The following TCERG1L variants were observed in gnomAD, a reference collection of about 807,000 sequenced individuals.
TCERG1L encodes the protein transcription elongation regulator 1-like protein.
A neutral mutation model predicts 56.3 loss-of-function variants in TCERG1L; 37 were observed. That is an observed-to-expected ratio of 0.66 (90% CI 0.51 to 0.87). The LOEUF (loss-of-function observed/expected upper bound fraction) is 0.87. Among genes scored for constraint, TCERG1L ranks in the 40% least tolerant of loss-of-function variants. The probability of loss-of-function intolerance (pLI) is 0.00; values close to 1 mark genes in which losing one functional copy is unlikely to be tolerated. For synonymous variants in TCERG1L, 324 were observed against 326.3 expected, an observed-to-expected ratio of 0.99 and a Z score of 0.08; for missense variants, 799 against 774.2, an observed-to-expected ratio of 1.03 and a Z score of -0.38.
chr10:131,211,784 G>A (rs997767789), intron 4 of TCERG1L, among the ~76,000 whole-genome samples: 2 of 152,278 alleles, frequency 1.3e-5, no homozygotes, highest in Non-Finnish European at 1.5e-5. Context: ...CAGGCCTGCC[G>A]GGCCACTTGC....
chr10:131,254,422 G>A (rs1846147722), intron 4 of TCERG1L, among the ~76,000 whole-genome samples: 1 of 151,890 alleles, frequency 6.6e-6, no homozygotes, highest in Non-Finnish European at 1.5e-5. Flanking sequence ...AAGCTCAAGG[G>A]ATCTTCCAGC....
chr10:131,144,361 C>T (rs1002497883), intron 7 of TCERG1L, among the ~76,000 whole-genome samples: 5 of 152,184 alleles, frequency 3.3e-5, no homozygotes, highest in African/African-American at 4.8e-5. Flanking sequence ...GACGAACGAT[C>T]GGCCAGGGAG....
At chr10:131,134,733 G>C (rs189473666) in intron 7 of TCERG1L, among the ~76,000 whole-genome samples, 1 of 152,178 alleles carries the variant, frequency 6.6e-6, no homozygotes, top group African/African-American at 2.4e-5. Context: ...GAGAATTACA[G>C]GTGGGCCTCT....
chr10:131,187,267 G>T (rs1845254810), intron 4 of TCERG1L, among the ~76,000 whole-genome samples: 1 of 152,234 alleles, frequency 6.6e-6, no homozygotes, highest in Non-Finnish European at 1.5e-5. Context: ...ATGGTCTATT[G>T]AACGAAGGAG....
At chr10:131,159,659 T>C (rs1402972472) in intron 6 of TCERG1L, among the ~76,000 whole-genome samples, 37 of 151,620 alleles carry the variant, frequency 2.4e-4, no homozygotes, top group Non-Finnish European at 5.1e-4. Context: ...ATTCAGCTAA[T>C]CAGGTGAAAT....
chr10:131,252,305 G>GAGGACCT (rs1364543076), intron 4 of TCERG1L, among the ~76,000 whole-genome samples: 6 of 152,074 alleles, frequency 3.9e-5, no homozygotes, highest in Non-Finnish European at 1.5e-5. Context: ...CCTGCCACAC[G>GAGGACCT]GTTGTCCACA....
intron 8 of TCERG1L, among the ~76,000 whole-genome samples, chr10:131,133,336 A>AT (rs1439884975): frequency 6.6e-6 from 1 of 152,134 alleles, no homozygotes; most frequent in Admixed American, 6.5e-5. Flanking sequence ...GCAAAAGTAC[A>AT]TTTTTTAAAA....
chr10:131,247,517 C>T (rs768181072), intron 4 of TCERG1L, among the ~76,000 whole-genome samples: 1 of 143,818 alleles, frequency 7.0e-6, no homozygotes, highest in Non-Finnish European at 1.6e-5. Context: ...CACCCCTGGT[C>T]GAGGCCCTGA....
intron 3 of TCERG1L, among the ~76,000 whole-genome samples, chr10:131,262,619 T>C (rs1486524944): frequency 6.6e-6 from 1 of 152,158 alleles, no homozygotes; most frequent in Non-Finnish European, 1.5e-5. Context: ...CGTGGTGGGT[T>C]TGTTACAGTT....
At chr10:131,237,560 C>G (rs1403775148) in intron 4 of TCERG1L, among the ~76,000 whole-genome samples, 1 of 152,032 alleles carries the variant, frequency 6.6e-6, no homozygotes. Context: ...TGCATTGTAT[C>G]GGATTAGATA....
chr10:131,176,572 G>A (rs969383127), intron 4 of TCERG1L, among the ~76,000 whole-genome samples: 13 of 151,280 alleles, frequency 8.6e-5, no homozygotes, highest in South Asian at 2.1e-4. Flanking sequence ...AAAGAGGCAC[G>A]TGCACACACA....
At chr10:131,298,148 CTT>C (rs34480535) in intron 3 of TCERG1L, among the ~76,000 whole-genome samples, 2 of 145,784 alleles carry the variant, frequency 1.4e-5, no homozygotes, top group African/African-American at 2.5e-5. Flanking sequence ...TGAGGTATTT[CTT>C]TTTTTTTTTA....
chr10:131,101,545 C>T (rs1845304151), intron 10 of TCERG1L, among the ~76,000 whole-genome samples: 1 of 152,106 alleles, frequency 6.6e-6, no homozygotes, highest in South Asian at 2.1e-4. Context: ...CACACACAAC[C>T]CACACGCCAC....
rs1199545475 is a variant in TCERG1L, at chr10:131,311,700, G to C, written c.-65C>G. 2.4e-6 allele frequency: 2 copies of C among 831,658 alleles called. No individual in the cohort carries two copies. Among genetic ancestry groups the C allele is most frequent in the Non-Finnish European group, 3.0e-6 (2 of 668,162 alleles). 51.5% of individuals were successfully genotyped at this position (831,658 alleles called of 1,614,324 possible). A position where few individuals can be genotyped will look rare whatever the true frequency, so the allele number is the denominator to read the frequency against. On this transcript the variant is annotated 5_prime_UTR_variant, in exon 1 of 12. Transcript: ENST00000368642. This position sits in a 1 kb window ranked among gnomAD's most constrained non-coding sequence, Gnocchi z 4.0. ...GCGCCCGAGATGCTGGGCCGGCGGC[G>C]GCGCGGCTCCGGAGCGAACTCACTT...
At chr10:131,187,814 C>A in intron 4 of TCERG1L, among the ~76,000 whole-genome samples, 1 of 152,208 alleles carries the variant, frequency 6.6e-6, no homozygotes, top group Admixed American at 6.5e-5. Flanking sequence ...CTCCATCCTG[C>A]TGCACTGGGA....
intron 7 of TCERG1L, among the ~76,000 whole-genome samples, chr10:131,137,034 G>A (rs1845682918): frequency 6.6e-6 from 1 of 151,928 alleles, no homozygotes; most frequent in African/African-American, 2.4e-5. Flanking sequence ...CAGCTACTCA[G>A]GAGGCTGAGG....
In TCERG1L at chr10:131,192,438, T is replaced by C. The variant is rs1845315144; in HGVS notation, c.857-25553A>G. Among the ~76,000 whole-genome samples the C allele has an allele frequency of 1.4e-5, 2 of 144,328 alleles. 1 individual carries two copies. Among genetic ancestry groups the C allele is most frequent in the Admixed American group, 1.4e-4 (2 of 14,532 alleles). 94.7% of individuals were successfully genotyped at this position (144,328 alleles called of 152,430 possible). Reference sequence around the variant, plus strand: ...GAAAGGGAAATTGGAACAACCCTGATGGAAACAGTATGGAGATTCCCAGAT... The same window carrying C: ...GAAAGGGAAATTGGAACAACCCTGACGGAAACAGTATGGAGATTCCCAGAT... On this transcript the variant is annotated intron_variant, in intron 4 of 11. Coordinates refer to ENST00000368642, the MANE Select transcript of TCERG1L (RefSeq NM_174937.4).
chr10:131,107,885 G>A (rs981960901), intron 9 of TCERG1L, among the ~76,000 whole-genome samples: 9 of 151,594 alleles, frequency 5.9e-5, no homozygotes, highest in Non-Finnish European at 8.8e-5. Context: ...ACATGCACAT[G>A]TACATAGTTG....
In TCERG1L at chr10:131,311,383, C is replaced by T. The variant is rs1398001023; in HGVS notation, c.253G>A (p.Glu85Lys). 2.5e-6 allele frequency: 3 copies of T among 1,190,806 alleles called. No homozygotes were observed. Among genetic ancestry groups the T allele is most frequent in the Non-Finnish European group, 3.1e-6 (3 of 963,094 alleles). 73.8% of individuals were successfully genotyped at this position (1,190,806 alleles called of 1,614,324 possible). The change falls in exon 1 of 12, where the codon GAG (glutamate) becomes AAG (lysine). Residue 85 changes from glutamate (E) to lysine (K), a missense_variant. Transcript: ENST00000368642. The surrounding 1 kb of genome is among the most constrained non-coding windows in gnomAD (Gnocchi z 4.0). Reference sequence around the variant, plus strand: ...AGCGGCAGCAGCGGGAGCACCGGCTCGCTCGGGGCCGGCCAGCCGGGGAGA... The same window carrying T: ...AGCGGCAGCAGCGGGAGCACCGGCTTGCTCGGGGCCGGCCAGCCGGGGAGA... ...PGLPGWPAPS[E>K]PVLPLLPLPS...
Sources: allele counts gnomAD v4.1 joint callset (sites outside exome capture counted in the v4.1 genomes callset), GRCh38; gene constraint gnomAD v4.1.1; non-coding constraint Gnocchi (gnomAD v3.1); transcripts MANE v1.5; gene names NCBI Gene and HGNC (gene_info 2026-07-23, HGNC 2026-07-21).